Variants in UHRF2 observed in about 807,000 individuals in gnomAD.
UHRF2 encodes ubiquitin like with PHD and ring finger domains 2.
Under a neutral mutation model 96.8 loss-of-function variants are expected in UHRF2, and 23 were observed. That is an observed-to-expected ratio of 0.24 (90% confidence interval 0.17 to 0.34). The LOEUF is 0.34. Ranked by LOEUF, UHRF2 falls within the 10% of genes least tolerant of loss-of-function variation. UHRF2 has a pLI of 1.00. For missense variants in UHRF2, 685 were observed against 981.5 expected, an observed-to-expected ratio of 0.70 and a Z score of 4.04; for synonymous variants, 385 against 332.6, an observed-to-expected ratio of 1.16 and a Z score of -1.72.
chr9:6,436,903 C>G (rs183725442), intron 3 of UHRF2, among the ~76,000 whole-genome samples: 2 of 152,040 alleles, frequency 1.3e-5, no homozygotes, highest in Non-Finnish European at 2.9e-5. Flanking sequence ...CTTAAAGATA[C>G]GATAGCTGAA....
intron 3 of UHRF2, among the ~76,000 whole-genome samples, chr9:6,444,260 G>A (rs966970465): frequency 5.9e-5 from 9 of 152,188 alleles, no homozygotes; most frequent in Non-Finnish European, 1.3e-4. Flanking sequence ...TGTTATTGGT[G>A]TCTTTACCAA....
intron 3 of UHRF2, among the ~76,000 whole-genome samples, chr9:6,454,684 A>G (rs1822074819): frequency 6.6e-6 from 1 of 152,168 alleles, no homozygotes. Flanking sequence ...AGCCAGAGCT[A>G]GCTCCTTCTA....
At chr9:6,454,407 C>G (rs1476605735) in intron 3 of UHRF2, among the ~76,000 whole-genome samples, 1 of 152,086 alleles carries the variant, frequency 6.6e-6, no homozygotes, top group African/African-American at 2.4e-5. Context: ...AGTGTTAGAT[C>G]TGTTGTGGCA....
rs1822374937 is a variant in UHRF2 at position 6,459,266 on chromosome 9, G to A, written c.645-1307G>A. 2.0e-5 allele frequency among the ~76,000 whole-genome samples: 3 copies of A among 152,142 alleles called. 1 individual carries two copies. The South Asian group carries it at 6.2e-4, about 32-fold the overall frequency. ...TTTCCTTTCTCTTTCAGGGAAAATG[G>A]AGACTATCGGAATATGCCAGGTTCA... On this transcript the variant is annotated intron_variant, in intron 3 of 15. Transcript: ENST00000276893.
At chr9:6,459,249 C>G (rs1822374254) in intron 3 of UHRF2, among the ~76,000 whole-genome samples, 1 of 152,192 alleles carries the variant, frequency 6.6e-6, no homozygotes, top group African/African-American at 2.4e-5. Context: ...TCTTTCCTTT[C>G]TCTTTCAGGG....
intron 4 of UHRF2, chr9:6,468,644 G>A (rs1444578392): frequency 1.3e-5 from 6 of 455,956 alleles, no homozygotes; most frequent in Admixed American, 2.4e-5. Context: ...CATATGGCCT[G>A]CTTTCACCTT....
At chr9:6,433,440 A>G (rs532675582) in intron 2 of UHRF2, among the ~76,000 whole-genome samples, 1 of 152,230 alleles carries the variant, frequency 6.6e-6, no homozygotes, top group South Asian at 2.1e-4. Context: ...TTTATTGTGC[A>G]TAATTCTCTC....
chr9:6,460,726 A>G lies in UHRF2; in HGVS notation c.798A>G (p.Ala266=), dbSNP rs1822488996. ...GACAAAGAGGATTCTGGTTTGATGCAGAAATTACCACATTGAAGACAATCT... is the reference window on the plus strand; with the variant it reads ...GACAAAGAGGATTCTGGTTTGATGCGGAAATTACCACATTGAAGACAATCT... The part of the protein sequence containing the change: ...SPGQRGFWFD[A]EITTLKTISR... The change falls in exon 4 of 16, where the codon GCA becomes GCG. Residue 266 remains alanine (A), a synonymous_variant. Transcript: ENST00000276893. 1 of 1,613,888 alleles carries G rather than the reference A, an allele frequency of 6.2e-7. No individual in the cohort carries two copies. The highest frequency in any genetic ancestry group is 1.3e-5 in the African/African-American group (1 of 74,944).
At chr9:6,486,758 C>T in intron 8 of UHRF2, 63 bp from the exon 9 acceptor site, 1 of 1,507,850 alleles carries the variant, frequency 6.6e-7, no homozygotes, top group Admixed American at 1.8e-5. Flanking sequence ...TATATGAAAG[C>T]ATTTTGTAAA....
At chr9:6,478,571 G>C (rs1823730031) in intron 6 of UHRF2, among the ~76,000 whole-genome samples, 1 of 152,212 alleles carries the variant, frequency 6.6e-6, no homozygotes, top group Admixed American at 6.5e-5. Context: ...TTAGAAAAGA[G>C]ACTGGGAAAA....
chr9:6,413,411 A>C lies in UHRF2; in HGVS notation c.-80A>C. On this transcript the variant is annotated 5_prime_UTR_variant, in exon 1 of 16. Coordinates refer to ENST00000276893, the MANE Select transcript of UHRF2 (RefSeq NM_152896.3). Reference sequence around the variant, plus strand: ...CCGCTGAGGGCCCGAGCCGCAGGGAAAGCGGCGCGGGCCGGGCGGGGCGCG... The same window carrying C: ...CCGCTGAGGGCCCGAGCCGCAGGGACAGCGGCGCGGGCCGGGCGGGGCGCG... The C allele has an allele frequency of 7.9e-7, 1 of 1,270,284 alleles. No homozygotes were observed. Among genetic ancestry groups the C allele is most frequent in the Non-Finnish European group, 1.0e-6 (1 of 993,116 alleles). The allele number at this position is 1,270,284 out of a possible 1,614,324, so 78.7% of individuals were successfully genotyped here.
chr9:6,417,711 G>A (rs1252488730), intron 1 of UHRF2, among the ~76,000 whole-genome samples: 1 of 152,324 alleles, frequency 6.6e-6, no homozygotes, highest in East Asian at 1.9e-4. Context: ...CATGAGGAAA[G>A]GTGGTTATAT....
At chr9:6,443,921 T>C (rs1821337153) in intron 3 of UHRF2, among the ~76,000 whole-genome samples, 1 of 152,250 alleles carries the variant, frequency 6.6e-6, no homozygotes, top group Admixed American at 6.5e-5. Flanking sequence ...TGGTACATGA[T>C]TTTGAGTAGC....
rs1043257635 is a variant in UHRF2 at position 6,489,683 on chromosome 9, A to G, written c.1497+2758A>G. 7.5e-5 allele frequency among the ~76,000 whole-genome samples: 11 copies of G among 146,404 alleles called. No homozygotes were observed. The East Asian group carries it at 1.2e-3, about 16-fold the overall frequency. On this transcript the variant is annotated intron_variant, in intron 9 of 15. Transcript: ENST00000276893. ...TTGCCATCTGTATAGCCTCTTTAGT[A>G]GTATAGCACTTCAGGTTTTTTGGCC... is the stretch of plus-strand genomic sequence containing the variant.
chr9:6,440,598 A>G (rs923754044), intron 3 of UHRF2, among the ~76,000 whole-genome samples: 6 of 152,330 alleles, frequency 3.9e-5, no homozygotes, highest in African/African-American at 1.4e-4. Context: ...ATTTAAAGCA[A>G]AAAGCACACA....
chr9:6,450,456 T>C (rs1821791805), intron 3 of UHRF2, among the ~76,000 whole-genome samples: 1 of 152,172 alleles, frequency 6.6e-6, no homozygotes, highest in African/African-American at 2.4e-5. Flanking sequence ...AAGTTTAATT[T>C]GATTTAAACT....
At chr9:6,438,796 C>T (rs544599295) in intron 3 of UHRF2, among the ~76,000 whole-genome samples, 1 of 152,182 alleles carries the variant, frequency 6.6e-6, no homozygotes, top group African/African-American at 2.4e-5. Context: ...TTCATTAAAA[C>T]AGAATTCGTT....
intron 9 of UHRF2, among the ~76,000 whole-genome samples, chr9:6,488,550 T>C (rs868137735): frequency 9.0e-5 from 12 of 133,996 alleles, no homozygotes; most frequent in African/African-American, 1.4e-4. Flanking sequence ...CTTTTTTTTT[T>C]TTTTTTTTTT....
chr9:6,475,290 TAGAC>T (rs529826045), intron 4 of UHRF2, 97 bp from the exon 5 acceptor site: 168 of 598,952 alleles, frequency 2.8e-4, no homozygotes, highest in Non-Finnish European at 4.1e-4. Flanking sequence ...AATTTATAAA[TAGAC>T]AGATTTCAGT....
Sources: gnomAD v4.1 joint callset for allele counts (sites outside exome capture counted in the v4.1 genomes callset) on GRCh38, gnomAD v4.1.1 for gene constraint, MANE v1.5 for transcripts, NCBI Gene and HGNC (gene_info 2026-07-23, HGNC 2026-07-21) for gene names.